Variants in HES6 observed in about 807,000 individuals in gnomAD.
HES6 encodes the protein hes family bHLH transcription factor 6.
HES6 carries 24 observed loss-of-function variants against 16.4 expected under a neutral mutation model. The ratio of observed to expected loss-of-function variants is 1.46; its 90% CI spans 1.06 to 2.06. The LOEUF is 2.06. Among genes scored for constraint, HES6 ranks in the 30% most tolerant of loss-of-function variants. HES6 has a pLI of 0.00. For synonymous variants in HES6, 159 were observed against 144.3 expected, an observed-to-expected ratio of 1.10 and a Z score of -0.73; for missense variants, 355 against 317.6, an observed-to-expected ratio of 1.12 and a Z score of -0.90.
At chr2:238,239,783 C>T in intron 1 of HES6, 36 bp from the exon 2 acceptor site, 9 of 1,394,724 alleles carry the variant, frequency 6.5e-6, no homozygotes, top group East Asian at 3.1e-5. Flanking sequence ...CAGCCCCGCA[C>T]GGCCTCCCGC....
Position 238,239,536 on chromosome 2 carries a change from C to CAGCA in HES6, c.197_200dup (p.Glu68AlafsTer71). 1 of 1,322,042 alleles carries CAGCA rather than the reference C, an allele frequency of 7.6e-7. No individual in the cohort carries two copies. The highest frequency in any genetic ancestry group is 9.7e-7 in the Non-Finnish European group (1 of 1,032,956). The allele number at this position is 1,322,042 out of a possible 1,614,324, so 81.9% of individuals were successfully genotyped here. On this transcript the variant is annotated frameshift_variant, in exon 3 of 4. Transcript: ENST00000272937. LOFTEE classifies it high-confidence loss of function. The stretch of plus-strand genomic sequence containing the variant: ...CCTGGACCCGCCGCACCGTCAGCTC[C>CAGCA]AGCACTTCGGCGTTCTCCAGCTTGG...
Position 238,239,057 on chromosome 2 carries a change from G to C in HES6, c.445C>G (p.Leu149Val). ...SSFQDLLGDA[L>V]AGPPRAPGRS... Reference sequence around the variant, plus strand: ...CCAGGGGCTCTAGGTGGCCCCGCCAGGGCGTCCCCCAGCAGATCCTGGAAG... The same window carrying C: ...CCAGGGGCTCTAGGTGGCCCCGCCACGGCGTCCCCCAGCAGATCCTGGAAG... Residue 149 changes from leucine (L) to valine (V), a missense_variant, in exon 4 of 4, where the codon CTG becomes GTG. Coordinates refer to ENST00000272937, the MANE Select transcript of HES6 (RefSeq NM_018645.6). The C allele has an allele frequency of 6.2e-7, 1 of 1,612,194 alleles. No homozygotes were observed. Among genetic ancestry groups the C allele is most frequent in the East Asian group, 2.2e-5 (1 of 44,858 alleles).
At position 238,239,700 on chromosome 2, in the gene HES6, C is replaced by A; in HGVS notation, c.129G>T (p.Glu43Asp). ...GCAGCAGCCGCAGCTCCTGCAGGCT[C>A]TCGTTGATCCGCGCGCGCCGCTTCT... is the stretch of plus-strand genomic sequence containing the variant. ...VEKKRRARIN[E>D]SLQELRLLLA... The change falls in exon 2 of 4, where the codon GAG becomes GAT. Residue 43 changes from glutamate (E) to aspartate (D), a missense_variant. Physicochemically the swap from Glu to Asp is conservative, Grantham distance 45. Transcript: ENST00000272937. The A allele has an allele frequency of 7.6e-7, 1 of 1,311,678 alleles. No individual in the cohort carries two copies. Among genetic ancestry groups the A allele is most frequent in the African/African-American group, 1.5e-5 (1 of 65,512 alleles). 81.3% of individuals were successfully genotyped at this position (1,311,678 alleles called of 1,614,324 possible).
In HES6 at chr2:238,239,222, C is replaced by A; in HGVS notation, c.280G>T (p.Glu94Ter). 1 of 1,609,088 alleles carries A rather than the reference C, an allele frequency of 6.2e-7. No individual in the cohort carries two copies. Among genetic ancestry groups the A allele is most frequent in the Non-Finnish European group, 8.5e-7 (1 of 1,179,264 alleles). The part of the protein sequence containing the change: ...EREQLQAEAS[E>*]RFAAGYIQCM... ...TGGATGTAGCCGGCAGCGAAGCGCT[C>A]GCTCGCTTCCGCCTGCAGCTGCTCG... is the stretch of plus-strand genomic sequence containing the variant. The change falls in exon 4 of 4, where the codon GAG (glutamate) becomes TAG (stop). Residue 94 changes from glutamate (E) to a stop codon, truncating the protein, a stop_gained. Coordinates refer to ENST00000272937, the MANE Select transcript of HES6 (RefSeq NM_018645.6). LOFTEE classifies it high-confidence loss of function.
intron 2 of HES6, 43 bp from the exon 3 acceptor site, chr2:238,239,611 G>GGGGCCCCCCCCCCCC: frequency 1.8e-6 from 2 of 1,135,688 alleles, no homozygotes; most frequent in South Asian, 3.9e-5. Flanking sequence ...CGCGCTCCCG[G>GGGGCCCCCCCCCCCC]ACCCGCCCGC....
At chr2:238,239,452 C>G (rs1265083814) in intron 3 of HES6, 35 bp downstream of exon 3, 1 of 1,273,914 alleles carries the variant, frequency 7.8e-7, no homozygotes, top group African/African-American at 1.6e-5. Context: ...CAGGCGCCCG[C>G]GGCCGGCGCC....
In HES6 at chr2:238,240,020, T is replaced by C. The variant is rs899688382; in HGVS notation, c.-115A>G. On this transcript the variant is annotated 5_prime_UTR_variant, in exon 1 of 4. Coordinates refer to ENST00000272937, the MANE Select transcript of HES6 (RefSeq NM_018645.6). ...CGGCCGCCCAGCAGCAGCCCAGCCG[T>C]CCGCGCTCCTCGCGGCTTCCGGCCC... 48 of 522,540 alleles carry C rather than the reference T, an allele frequency of 9.2e-5. No individual in the cohort carries two copies. In the South Asian group the frequency reaches 3.9e-3, roughly 43 times the overall value. The allele number at this position is 522,540 out of a possible 1,614,324, so 32.4% of individuals were successfully genotyped here.
rs1176838487 is a variant in HES6 at position 238,238,937 on chromosome 2, G to A, written c.565C>T (p.Pro189Ser). ...GGAGCCTGACTCAGTTCAGCCTCAGGGGCCTCCTCCAGGTCGGAGCACAGG... is the reference window on the plus strand; with the variant it reads ...GGAGCCTGACTCAGTTCAGCCTCAGAGGCCTCCTCCAGGTCGGAGCACAGG... ...DDLCSDLEEA[P>S]EAELSQAPAE... is the part of the protein sequence containing the mutation. The change falls in exon 4 of 4, where the codon CCT becomes TCT. Residue 189 changes from proline (P) to serine (S), a missense_variant. By Grantham distance (74) the Pro-to-Ser change is moderately conservative. Transcript: ENST00000272937. 1.9e-6 allele frequency: 3 copies of A among 1,597,438 alleles called. No individual in the cohort carries two copies. Among genetic ancestry groups the A allele is most frequent in the Non-Finnish European group, 1.7e-6 (2 of 1,173,818 alleles).
rs1245192007 is a variant in HES6 at position 238,239,741 on chromosome 2, T to G, written c.88A>C (p.Lys30Gln). 7.2e-7 allele frequency: 1 copy of G among 1,387,284 alleles called. No homozygotes were observed. The highest frequency in any genetic ancestry group is 1.6e-5 in the South Asian group (1 of 62,660). 85.9% of individuals were successfully genotyped at this position (1,387,284 alleles called of 1,614,324 possible). A position where few individuals can be genotyped will look rare whatever the true frequency, so the allele number is the denominator to read the frequency against. Residue 30 changes from lysine (K) to glutamine (Q), a missense_variant, in exon 2 of 4, where the codon AAG becomes CAG. Coordinates refer to ENST00000272937, the MANE Select transcript of HES6 (RefSeq NM_018645.6). The stretch of plus-strand genomic sequence containing the variant: ...CGCCGCTTCTTCTCCACCAGGGGCT[T>G]CCGGGCCTGCGGGGAGCGGGGCACT... Reference protein sequence around the residue: ...WETRGDRKARKPLVEKKRRAR... With the variant: ...WETRGDRKARQPLVEKKRRAR...
intron 2 of HES6, 43 bp from the exon 3 acceptor site, chr2:238,239,611 G>GTGCCCCCCCC: frequency 1.8e-6 from 2 of 1,135,672 alleles, no homozygotes; most frequent in African/African-American, 1.6e-5. Context: ...CGCGCTCCCG[G>GTGCCCCCCCC]ACCCGCCCGC....
At position 238,239,148 on chromosome 2, in the gene HES6, G is replaced by C. The variant is rs1244163453; in HGVS notation, c.354C>G (p.Asp118Glu). 6.2e-7 allele frequency: 1 copy of C among 1,612,592 alleles called. No homozygotes were observed. Among genetic ancestry groups the C allele is most frequent in the Non-Finnish European group, 8.5e-7 (1 of 1,179,906 alleles). The change falls in exon 4 of 4, where the codon GAC (aspartate) becomes GAG (glutamate). Residue 118 changes from aspartate (D) to glutamate (E), a missense_variant. Transcript: ENST00000272937. ...TCAGGAGCTCGGCAGCGACGGTAGC[G>C]TCGATGGCCTGGCACGTGGACACGA... is the stretch of plus-strand genomic sequence containing the variant. ...HTFVSTCQAI[D>E]ATVAAELLNH...
In HES6 at chr2:238,239,949, A is replaced by G; in HGVS notation, c.-44T>C. The G allele has an allele frequency of 1.7e-6, 2 of 1,160,742 alleles. No individual in the cohort carries two copies. The highest frequency in any genetic ancestry group is 2.1e-6 in the Non-Finnish European group (2 of 935,196). 71.9% of individuals were successfully genotyped at this position (1,160,742 alleles called of 1,614,324 possible). ...GCGGCAGGGGCTAGGAGCAGCGGGG[A>G]CGGGGAGCGGCGGGGACCGGAGTGC... On this transcript the variant is annotated 5_prime_UTR_variant, in exon 1 of 4. Coordinates refer to ENST00000272937, the MANE Select transcript of HES6 (RefSeq NM_018645.6).
In HES6 at chr2:238,239,766, T is replaced by C. The variant is rs1695264531; in HGVS notation, c.82-19A>G. On this transcript the variant is annotated intron_variant, in intron 1 of 3. Transcript: ENST00000272937. ...TCCGGGCCTGCGGGGAGCGGGGCAC[T>C]GAATCCCAGCCCCGCACGGCCTCCC... The C allele has an allele frequency of 1.4e-6, 2 of 1,397,864 alleles. No homozygotes were observed. The highest frequency in any genetic ancestry group is 1.5e-5 in the South Asian group (1 of 64,794). The allele number at this position is 1,397,864 out of a possible 1,614,324, so 86.6% of individuals were successfully genotyped here. A position where few individuals can be genotyped will look rare whatever the true frequency, so the allele number is the denominator to read the frequency against.
At chr2:238,239,599 AGCGC>A in intron 2 of HES6, 31 bp from the exon 3 acceptor site, 6 of 1,185,096 alleles carry the variant, frequency 5.1e-6, no homozygotes, top group Non-Finnish European at 6.2e-6. Flanking sequence ...GTGAGCCGGC[AGCGC>A]GCTCCCGGAC....
At position 238,238,850 on chromosome 2, in the gene HES6, G is replaced by T; in HGVS notation, c.652C>A (p.Arg218=). ...LGSLTTAQIA[R]SVWRPW Reference sequence around the variant, plus strand: ...GGTCACCAAGGCCTCCAGACACTCCGGGCAATTTGGGCTGTGGTCAGGCTG... The same window carrying T: ...GGTCACCAAGGCCTCCAGACACTCCTGGCAATTTGGGCTGTGGTCAGGCTG... The change falls in exon 4 of 4, where the codon CGG becomes AGG. Residue 218 remains arginine (R), a synonymous_variant. Transcript: ENST00000272937. 6.4e-7 allele frequency: 1 copy of T among 1,571,376 alleles called. No homozygotes were observed. Among genetic ancestry groups the T allele is most frequent in the African/African-American group, 1.3e-5 (1 of 74,326 alleles).
chr2:238,239,548 G>A lies in HES6; in HGVS notation c.189C>T (p.Asn63=). ...AGAEVQAKLE[N]AEVLELTVRR... ...GCACCGTCAGCTCCAGCACTTCGGC[G>A]TTCTCCAGCTTGGCCTGCACCTGCG... Residue 63 remains asparagine (N), a synonymous_variant, in exon 3 of 4, where the codon AAC becomes AAT. Transcript: ENST00000272937. The A allele has an allele frequency of 2.3e-6, 3 of 1,312,606 alleles. No individual in the cohort carries two copies. Among genetic ancestry groups the A allele is most frequent in the Non-Finnish European group, 2.9e-6 (3 of 1,027,342 alleles). 81.3% of individuals were successfully genotyped at this position (1,312,606 alleles called of 1,614,324 possible).
chr2:238,240,006 C>T lies in HES6; in HGVS notation c.-101G>A. 3.1e-6 allele frequency: 2 copies of T among 648,806 alleles called. No individual in the cohort carries two copies. Among genetic ancestry groups the T allele is most frequent in the Admixed American group, 5.0e-5 (1 of 20,062 alleles). 40.2% of individuals were successfully genotyped at this position (648,806 alleles called of 1,614,324 possible). A position where few individuals can be genotyped will look rare whatever the true frequency, so the allele number is the denominator to read the frequency against. On this transcript the variant is annotated 5_prime_UTR_variant, in exon 1 of 4. Transcript: ENST00000272937. ...CCTCCGCTGCCCCGCGGCCGCCCAG[C>T]AGCAGCCCAGCCGTCCGCGCTCCTC...
Position 238,239,919 on chromosome 2 carries a change from G to A in HES6, c.-14C>T. On this transcript the variant is annotated 5_prime_UTR_variant, in exon 1 of 4. Transcript: ENST00000272937. ...GGGTGGCGCCATGCCCGCTCCGCCG[G>A]GGACGCGGCAGGGGCTAGGAGCAGC... 1 of 1,202,910 alleles carries A rather than the reference G, an allele frequency of 8.3e-7. No individual in the cohort carries two copies. 74.5% of individuals were successfully genotyped at this position (1,202,910 alleles called of 1,614,324 possible).
intron 3 of HES6, 90 bp downstream of exon 3, chr2:238,239,397 A>C: frequency 1.6e-6 from 2 of 1,279,504 alleles, no homozygotes; most frequent in Non-Finnish European, 2.0e-6. Context: ...CGCCGCCGAC[A>C]GGACAGGGGC....
Sources: gnomAD v4.1 joint callset for allele counts on GRCh38, gnomAD v4.1.1 for gene constraint, MANE v1.5 for transcripts, NCBI Gene and HGNC (gene_info 2026-07-23, HGNC 2026-07-21) for gene names.